C12orf56: variants seen among roughly 807,000 people sequenced by gnomAD.
C12orf56 encodes the protein uncharacterized protein C12orf56.
In C12orf56, 71 loss-of-function variants were observed where a neutral mutation model predicts 69.9. The ratio of observed to expected loss-of-function variants is 1.02; its 90% CI spans 0.84 to 1.24. The LOEUF (loss-of-function observed/expected upper bound fraction) is 1.24. Ranked by LOEUF, C12orf56 falls within the 50% of genes most tolerant of loss-of-function variation. C12orf56 has a pLI of 0.00. For synonymous variants in C12orf56, 276 were observed against 274.1 expected, an observed-to-expected ratio of 1.01 and a Z score of -0.07; for missense variants, 732 against 738.5, an observed-to-expected ratio of 0.99 and a Z score of 0.10.
chr12:64,379,900 G>A (rs554752163), intron 1 of C12orf56, among the ~76,000 whole-genome samples: 46 of 146,494 alleles, frequency 3.1e-4, no homozygotes, highest in Middle Eastern at 3.5e-3. Flanking sequence ...TGGCTAACAC[G>A]GTGAAACCCC....
intron 9 of C12orf56, among the ~76,000 whole-genome samples, chr12:64,276,236 C>T (rs181367960): frequency 4.6e-4 from 70 of 152,270 alleles, no homozygotes; most frequent in African/African-American, 1.6e-3. Context: ...ACAACACAGA[C>T]ATGAGACCTG....
intron 6 of C12orf56, among the ~76,000 whole-genome samples, chr12:64,300,307 T>G (rs1312022736): frequency 6.6e-6 from 1 of 151,772 alleles, no homozygotes; most frequent in Non-Finnish European, 1.5e-5. Flanking sequence ...GGTCTGTGAA[T>G]CCTAACCTTA....
intron 3 of C12orf56, among the ~76,000 whole-genome samples, chr12:64,321,143 A>G (rs1337516819): frequency 1.3e-5 from 2 of 152,228 alleles, no homozygotes; most frequent in Non-Finnish European, 2.9e-5. Flanking sequence ...TACCCATCTC[A>G]TAAGGTTTAT....
intron 4 of C12orf56, among the ~76,000 whole-genome samples, chr12:64,313,274 A>AGAAAGAAAGAAAGAAAGAAAGAAAG (rs1555188665): frequency 1.9e-3 from 152 of 81,388 alleles, no homozygotes; most frequent in South Asian, 0.014. Context: ...AAAAAAAAAA[A>AGAAAGAAAGAAAGAAAGAAAGAAAG]AAAGAAAGAA....
rs1221180046 is a variant in C12orf56 at position 64,328,728 on chromosome 12, T to TAG, written c.488+2231_488+2232insCT. Among the ~76,000 whole-genome samples the TAG allele has an allele frequency of 1.3e-3, 137 of 102,244 alleles. 3 individuals carry two copies. The highest frequency in any genetic ancestry group is 2.9e-3 in the African/African-American group (84 of 28,756). The allele number at this position is 102,244 out of a possible 152,430, so 67.1% of individuals were successfully genotyped here. A position where few individuals can be genotyped will look rare whatever the true frequency, so the allele number is the denominator to read the frequency against. On this transcript the variant is annotated intron_variant, in intron 3 of 12. Transcript: ENST00000543942. ...AAAAATATATATATATATATATATATATATATATAGTATCACACTTTAACT... is the reference window on the plus strand; with the variant it reads ...AAAAATATATATATATATATATATATAGATATATATAGTATCACACTTTAACT...
Position 64,303,714 on chromosome 12 carries a change from A to C in C12orf56, c.1034T>G (p.Leu345Trp), listed in dbSNP as rs752529851. 6.3e-7 allele frequency: 1 copy of C among 1,582,086 alleles called. No individual in the cohort carries two copies. Among genetic ancestry groups the C allele is most frequent in the South Asian group, 1.2e-5 (1 of 85,214 alleles). The change falls in exon 6 of 13, where the codon TTG (leucine) becomes TGG (tryptophan). Residue 345 changes from leucine to tryptophan, a missense_variant. Transcript: ENST00000543942. ...CATAAGTAAAGAAAGTATCCTCCTC[A>C]AAGAATTGTCTTTAAGAAAAAGTTC... ...KSELFLKDNS[L>W]RRILSLLMEL...
chr12:64,329,883 T>TC (rs1287497469), intron 3 of C12orf56, among the ~76,000 whole-genome samples: 1 of 151,814 alleles, frequency 6.6e-6, no homozygotes, highest in African/African-American at 2.4e-5. Context: ...TGCATAGTAT[T>TC]CCATGGTGTA....
At chr12:64,328,689 A>G (rs2038877414) in intron 3 of C12orf56, among the ~76,000 whole-genome samples, 1 of 20,328 alleles carries the variant, frequency 4.9e-5, no homozygotes, top group Admixed American at 5.4e-4. Context: ...CAAAAAAAAA[A>G]AAAAAAAAAA....
intron 1 of C12orf56, among the ~76,000 whole-genome samples, chr12:64,357,294 T>C (rs1280501912): frequency 2.6e-5 from 4 of 152,184 alleles, no homozygotes; most frequent in Non-Finnish European, 5.9e-5. Context: ...TTTCAGAAAT[T>C]GTTTTATGGG....
rs987874199 is a variant in C12orf56 at position 64,318,831 on chromosome 12, T to A, written c.638A>T (p.Lys213Met). The change falls in exon 4 of 13, where the codon AAG (lysine) becomes ATG (methionine). Residue 213 changes from lysine (K) to methionine (M), a missense_variant. Physicochemically the swap from Lys to Met is moderately conservative, Grantham distance 95. Transcript: ENST00000543942. ...TGTGCAAGATGGCTCGCTGACAGCC[T>A]TGCCAGTTGTTGGTGCAGACTGAGA... is the stretch of plus-strand genomic sequence containing the variant. Reference protein sequence around the residue: ...RSSQSAPTTGKAVSEPSCTTN... With the variant: ...RSSQSAPTTGMAVSEPSCTTN... 6.5e-6 allele frequency: 10 copies of A among 1,537,138 alleles called. No homozygotes were observed. In the East Asian group the frequency reaches 2.4e-4, roughly 38 times the overall value.
chr12:64,381,247 A>G (rs2039716521), intron 1 of C12orf56, among the ~76,000 whole-genome samples: 1 of 152,274 alleles, frequency 6.6e-6, no homozygotes, highest in East Asian at 1.9e-4. Flanking sequence ...AAGATCAGAC[A>G]ACTCAGTTTA....
At chr12:64,301,031 C>G (rs1034257865) in intron 6 of C12orf56, among the ~76,000 whole-genome samples, 1 of 152,300 alleles carries the variant, frequency 6.6e-6, no homozygotes, top group East Asian at 1.9e-4. Context: ...CACATTCTCT[C>G]TCTCTCTCCT....
At chr12:64,371,686 TG>T (rs1014801055) in intron 1 of C12orf56, among the ~76,000 whole-genome samples, 23 of 151,290 alleles carry the variant, frequency 1.5e-4, no homozygotes, top group African/African-American at 5.1e-4. Context: ...AAAAATTAGC[TG>T]GGCATGGTGG....
At chr12:64,365,783 T>A (rs1328190538) in intron 1 of C12orf56, among the ~76,000 whole-genome samples, 1 of 141,718 alleles carries the variant, frequency 7.1e-6, no homozygotes, top group Non-Finnish European at 1.5e-5. Context: ...ATATAATAAA[T>A]ATATAATGTA....
rs775342459 is a variant in C12orf56, at chr12:64,274,936, A to G, written c.1549T>C (p.Trp517Arg). ...GLGSTKFAIS[W>R]IMSFLQSCPP... Reference sequence around the variant, plus strand: ...CAGCTTTGTAGAAAGGACATTATCCAGCTAATAGCAAACTTTGTGGATCCC... The same window carrying G: ...CAGCTTTGTAGAAAGGACATTATCCGGCTAATAGCAAACTTTGTGGATCCC... The change falls in exon 11 of 13, where the codon TGG becomes CGG. Residue 517 changes from tryptophan (W) to arginine (R), a missense_variant. Coordinates refer to ENST00000543942, the MANE Select transcript of C12orf56 (RefSeq NM_001170633.2). 7.4e-6 allele frequency: 12 copies of G among 1,612,792 alleles called. No individual in the cohort carries two copies. The Middle Eastern group carries it at 5.0e-4, about 67-fold the overall frequency.
intron 3 of C12orf56, among the ~76,000 whole-genome samples, chr12:64,328,703 AAAAATATATATATATATATATATAT>A (rs2038882053): frequency 9.7e-5 from 2 of 20,620 alleles, no homozygotes; most frequent in Non-Finnish European, 1.8e-4. Flanking sequence ...AAAAAAAAAA[AAAAATATATATATATATATATATAT>A]ATATATATAG....
At chr12:64,326,205 C>T (rs1325750577) in intron 3 of C12orf56, among the ~76,000 whole-genome samples, 8 of 152,068 alleles carry the variant, frequency 5.3e-5, no homozygotes, top group Admixed American at 1.3e-4. Context: ...GTCTCCAGGG[C>T]ACAGGGTAGA....
chr12:64,278,649 T>C (rs1226621629), intron 8 of C12orf56, among the ~76,000 whole-genome samples: 1 of 152,182 alleles, frequency 6.6e-6, no homozygotes, highest in Non-Finnish European at 1.5e-5. Context: ...ATACAGGACA[T>C]TGCTATTAAC....
intron 1 of C12orf56, among the ~76,000 whole-genome samples, chr12:64,382,312 T>TA (rs2135986233): frequency 6.8e-6 from 1 of 147,588 alleles, no homozygotes; most frequent in Admixed American, 6.8e-5. Context: ...TTAAAACACC[T>TA]AATACATAAT....
Sources: gnomAD v4.1 joint callset for allele counts (sites outside exome capture counted in the v4.1 genomes callset) on GRCh38, gnomAD v4.1.1 for gene constraint, MANE v1.5 for transcripts, NCBI Gene and HGNC (gene_info 2026-07-23, HGNC 2026-07-21) for gene names.